FHIT: variants seen among roughly 807,000 people sequenced by gnomAD.
The protein encoded by FHIT is fragile histidine triad diadenosine triphosphatase.
In FHIT, 19 loss-of-function variants were observed where a neutral mutation model predicts 17.9. The ratio of observed to expected loss-of-function variants is 1.06; its 90% confidence interval spans 0.74 to 1.56. The LOEUF is 1.56. FHIT is among the 40% of genes most tolerant of loss of function. The pLI, the probability that FHIT is intolerant of heterozygous loss-of-function variation, is 0.00. For synonymous variants in FHIT, 81 were observed against 69.7 expected, an observed-to-expected ratio of 1.16 and a Z score of -0.81; for missense variants, 248 against 189.2, an observed-to-expected ratio of 1.31 and a Z score of -1.82.
chr3:60,781,447 T>C (rs1347671514), intron 4 of FHIT, among the ~76,000 whole-genome samples: 3 of 151,542 alleles, frequency 2.0e-5, no homozygotes, highest in Non-Finnish European at 2.9e-5. Context: ...GCATATCAAG[T>C]CCTGAGGAAA....
chr3:60,483,070 A>C (rs2033682614), intron 5 of FHIT, among the ~76,000 whole-genome samples: 2 of 152,226 alleles, frequency 1.3e-5, no homozygotes, highest in South Asian at 4.1e-4. Context: ...AACAAACTAG[A>C]AAATCTAGAA....
rs991865891 is a variant in FHIT at position 61,167,357 on chromosome 3, C to T, written c.-164+33260G>A. Among the ~76,000 whole-genome samples the T allele has an allele frequency of 1.2e-4, 18 of 151,808 alleles. No individual in the cohort carries two copies. The East Asian group carries it at 2.1e-3, about 18-fold the overall frequency. On this transcript the variant is annotated intron_variant, in intron 2 of 9. Transcript: ENST00000492590. The stretch of plus-strand genomic sequence containing the variant: ...TACAGACGTTAAAAGAAATACGGGG[C>T]TGGGTGCTGTGGCTCATGCCTGTAA...
At chr3:59,933,553 G>A (rs897995692) in intron 7 of FHIT, among the ~76,000 whole-genome samples, 6 of 152,114 alleles carry the variant, frequency 3.9e-5, no homozygotes, top group African/African-American at 1.2e-4. Context: ...AAGTGGCCGA[G>A]TTAAGATTCT....
intron 5 of FHIT, among the ~76,000 whole-genome samples, chr3:60,466,806 A>G (rs2032819246): frequency 7.0e-6 from 1 of 143,874 alleles, no homozygotes; most frequent in Non-Finnish European, 1.5e-5. Flanking sequence ...TATATTCATC[A>G]GGGTTACTTG....
chr3:61,041,683 CAA>C (rs368794932), intron 3 of FHIT, among the ~76,000 whole-genome samples: 8 of 133,216 alleles, frequency 6.0e-5, no homozygotes, highest in African/African-American at 1.1e-4. Flanking sequence ...AAAAATAAAG[CAA>C]AAAAAAAAAA....
intron 5 of FHIT, among the ~76,000 whole-genome samples, chr3:60,503,556 G>C (rs554554947): frequency 6.6e-6 from 1 of 151,960 alleles, no homozygotes; most frequent in Non-Finnish European, 1.5e-5. Context: ...ATTTTATATT[G>C]GTTGTGGCAT....
chr3:59,893,742 G>A (rs991802759), intron 8 of FHIT, among the ~76,000 whole-genome samples: 3 of 152,186 alleles, frequency 2.0e-5, no homozygotes, highest in Non-Finnish European at 4.4e-5. Context: ...TCAGATTTAC[G>A]TGATATTAAC....
intron 4 of FHIT, among the ~76,000 whole-genome samples, chr3:60,600,131 G>C (rs2856023): frequency 0.045 from 6,837 of 152,192 alleles, 524 homozygotes; most frequent in African/African-American, 0.16. Flanking sequence ...AAGGCACTTA[G>C]AGCTCAGTAA....
In FHIT at chr3:59,749,578, A is replaced by G; in HGVS notation, c.*7T>C. 1 of 231,570 alleles carries G rather than the reference A, an allele frequency of 4.3e-6. No homozygotes were observed. The highest frequency in any genetic ancestry group is 5.6e-5 in the Admixed American group (1 of 17,732). The allele number at this position is 231,570 out of a possible 1,614,324, so 14.3% of individuals were successfully genotyped here. A position where few individuals can be genotyped will look rare whatever the true frequency, so the allele number is the denominator to read the frequency against. On this transcript the variant is annotated splice_region_variant and 3_prime_UTR_variant, in exon 10 of 10. Coordinates refer to ENST00000492590, the MANE Select transcript of FHIT (RefSeq NM_002012.4). ...TGCTGGAATTCAGGATCTGAAAAAC[A>G]TCTTAAGCCATTTTTAAACAAACAA...
intron 2 of FHIT, among the ~76,000 whole-genome samples, chr3:61,189,213 C>A (rs1235260373): frequency 1.3e-5 from 2 of 152,214 alleles, no homozygotes; most frequent in Non-Finnish European, 2.9e-5. Context: ...TCTCCTTAAG[C>A]TGATAGGTAA....
chr3:60,113,999 CT>C (rs1436970291), intron 5 of FHIT, among the ~76,000 whole-genome samples: 2 of 5,846 alleles, frequency 3.4e-4, no homozygotes, highest in East Asian at 8.3e-3. Flanking sequence ...AAGACCCCGT[CT>C]CCAAAAAAAA....
At chr3:59,958,953 G>T (rs978901595) in intron 7 of FHIT, among the ~76,000 whole-genome samples, 2 of 152,192 alleles carry the variant, frequency 1.3e-5, no homozygotes, top group African/African-American at 2.4e-5. Context: ...TATAGGCATT[G>T]AAAAGCTGTA....
At chr3:61,098,287 T>C (rs1230087154) in intron 2 of FHIT, among the ~76,000 whole-genome samples, 2 of 152,178 alleles carry the variant, frequency 1.3e-5, no homozygotes, top group Non-Finnish European at 2.9e-5. Context: ...CTGGGTTCTC[T>C]AATCTGTTCC....
At chr3:60,104,152 C>T (rs2107151494) in intron 5 of FHIT, among the ~76,000 whole-genome samples, 1 of 152,250 alleles carries the variant, frequency 6.6e-6, no homozygotes, top group African/African-American at 2.4e-5. Flanking sequence ...TCCTATCAAA[C>T]CAGTATACTA....
chr3:61,186,562 T>G (rs1302037671), intron 2 of FHIT, among the ~76,000 whole-genome samples: 1 of 152,222 alleles, frequency 6.6e-6, no homozygotes, highest in Non-Finnish European at 1.5e-5. Context: ...ATGAGGATCC[T>G]GAGACAGTCT....
At chr3:60,833,401 A>G (rs1472923141) in intron 3 of FHIT, among the ~76,000 whole-genome samples, 1 of 152,170 alleles carries the variant, frequency 6.6e-6, no homozygotes, top group Non-Finnish European at 1.5e-5. Context: ...TCCCACTTTC[A>G]TACATTTACA....
At chr3:61,236,346 G>A (rs2040232205) in intron 1 of FHIT, among the ~76,000 whole-genome samples, 1 of 151,402 alleles carries the variant, frequency 6.6e-6, no homozygotes, top group South Asian at 2.1e-4. Context: ...GCCAAATGCA[G>A]CTCTAGATGC....
intron 8 of FHIT, among the ~76,000 whole-genome samples, chr3:59,911,856 G>A (rs1203903646): frequency 1.3e-5 from 2 of 152,186 alleles, no homozygotes; most frequent in Admixed American, 1.3e-4. Flanking sequence ...GCCAGGTTCA[G>A]CTCAACAGTC....
At chr3:60,534,412 C>G (rs1337148018) in intron 5 of FHIT, among the ~76,000 whole-genome samples, 1 of 111,088 alleles carries the variant, frequency 9.0e-6, no homozygotes, top group African/African-American at 3.5e-5. Flanking sequence ...CGCAGTCCGG[C>G]CTGGGCGACA....
Sources: allele counts gnomAD v4.1 joint callset (sites outside exome capture counted in the v4.1 genomes callset), GRCh38; gene constraint gnomAD v4.1.1; transcripts MANE v1.5; gene names NCBI Gene and HGNC (gene_info 2026-07-23, HGNC 2026-07-21).